DBF4: variants seen among roughly 807,000 people sequenced by gnomAD.
The protein encoded by DBF4 is protein DBF4 homolog A.
A neutral mutation model predicts 76.6 loss-of-function variants in DBF4; 25 were observed. The observed-to-expected ratio is 0.33, with a 90% CI of 0.24 to 0.46. The LOEUF (loss-of-function observed/expected upper bound fraction) is 0.46. Ranked by LOEUF, DBF4 falls within the 20% of genes least tolerant of loss-of-function variation. The pLI, the probability that DBF4 is intolerant of heterozygous loss-of-function variation, is 1.00. For synonymous variants in DBF4, 213 were observed against 258.0 expected, an observed-to-expected ratio of 0.83 and a Z score of 1.67; for missense variants, 638 against 760.8, an observed-to-expected ratio of 0.84 and a Z score of 1.90.
intron 11 of DBF4, among the ~76,000 whole-genome samples, chr7:87,905,965 CA>C (rs1839903140): frequency 6.6e-6 from 1 of 151,250 alleles, no homozygotes; most frequent in Non-Finnish European, 1.5e-5. Context: ...AGTTCCAGAC[CA>C]GCCTAGCCAA....
intron 2 of DBF4, among the ~76,000 whole-genome samples, chr7:87,879,347 C>T (rs1839154238): frequency 6.6e-6 from 1 of 152,146 alleles, no homozygotes; most frequent in Non-Finnish European, 1.5e-5. Context: ...AGTTATTCTA[C>T]TTTTTTACTA....
At chr7:87,881,945 T>C (rs1209245030) in intron 2 of DBF4, among the ~76,000 whole-genome samples, 2 of 152,236 alleles carry the variant, frequency 1.3e-5, no homozygotes, top group Non-Finnish European at 2.9e-5. Flanking sequence ...TATATGTCAA[T>C]GCAGTTTGTT....
At chr7:87,879,067 G>A (rs1274451166) in intron 2 of DBF4, among the ~76,000 whole-genome samples, 2 of 152,130 alleles carry the variant, frequency 1.3e-5, no homozygotes, top group African/African-American at 2.4e-5. Flanking sequence ...CTCAGCCTCT[G>A]TCTCCTGAGT....
At chr7:87,887,433 G>T (rs898164260) in intron 5 of DBF4, 35 bp downstream of exon 5, 1 of 1,526,534 alleles carries the variant, frequency 6.6e-7, no homozygotes, top group Non-Finnish European at 8.8e-7. Context: ...GACAGTATTT[G>T]TTTTAAGTGT....
At chr7:87,882,725 C>T (rs1839247531) in intron 2 of DBF4, among the ~76,000 whole-genome samples, 1 of 152,104 alleles carries the variant, frequency 6.6e-6, no homozygotes, top group Non-Finnish European at 1.5e-5. Context: ...AAATGTTCAA[C>T]GTCACTAATC....
Position 87,889,477 on chromosome 7 carries a change from G to A in DBF4, c.597+1418G>A, listed in dbSNP as rs895978740. ...GTATTTTTTGTAGAGACGGGGTTTC[G>A]CCATGTTGCCCAGGCTGGTCTCGAA... On this transcript the variant is annotated intron_variant, in intron 6 of 11. Transcript: ENST00000265728. Among the ~76,000 whole-genome samples the A allele has an allele frequency of 4.6e-5, 7 of 151,482 alleles. 1 individual carries two copies. The highest frequency in any genetic ancestry group is 7.3e-5 in the African/African-American group (3 of 41,212).
rs1839125496 is a variant in DBF4 at position 87,878,446 on chromosome 7, T to TA, written c.219+222dup. Reference sequence around the variant, plus strand: ...GATTAGCAGTCTAGTGTAAAGTTCTTAGAGTGTAAGACTCCCCTGTCCTAG... The same window carrying TA: ...GATTAGCAGTCTAGTGTAAAGTTCTTAAGAGTGTAAGACTCCCCTGTCCTAG... On this transcript the variant is annotated intron_variant, in intron 2 of 11. Transcript: ENST00000265728. 1.6e-5 allele frequency: 7 copies of TA among 437,136 alleles called. No homozygotes were observed. In the East Asian group the frequency reaches 1.9e-4, roughly 12 times the overall value. 27.1% of individuals were successfully genotyped at this position (437,136 alleles called of 1,614,324 possible).
At chr7:87,881,715 G>T (rs953069866) in intron 2 of DBF4, among the ~76,000 whole-genome samples, 2 of 152,138 alleles carry the variant, frequency 1.3e-5, no homozygotes, top group African/African-American at 4.8e-5. Context: ...TAACCCTCTA[G>T]GTATTCTTTG....
chr7:87,886,698 A>G, intron 3 of DBF4, 146 bp from the exon 4 acceptor site: 2 of 575,078 alleles, frequency 3.5e-6, no homozygotes, highest in Non-Finnish European at 6.1e-6. Context: ...TGTTGAATAG[A>G]ATTTACTACA....
At chr7:87,892,893 C>T (rs1474690116) in intron 6 of DBF4, among the ~76,000 whole-genome samples, 3 of 152,104 alleles carry the variant, frequency 2.0e-5, no homozygotes, top group South Asian at 2.1e-4. Context: ...GGCCATATAA[C>T]GTGCTTTTTA....
intron 11 of DBF4, among the ~76,000 whole-genome samples, chr7:87,906,520 T>C (rs1431035353): frequency 6.6e-6 from 1 of 152,164 alleles, no homozygotes; most frequent in Non-Finnish European, 1.5e-5. Context: ...TCTAATTGTA[T>C]ATTATTTAGG....
intron 10 of DBF4, among the ~76,000 whole-genome samples, chr7:87,901,379 A>C (rs916735955): frequency 6.6e-6 from 1 of 152,212 alleles, no homozygotes; most frequent in Admixed American, 6.5e-5. Flanking sequence ...GATGGGACCA[A>C]GGAATAGATA....
intron 2 of DBF4, 142 bp from the exon 3 acceptor site, chr7:87,884,837 C>CA: frequency 1.7e-6 from 1 of 574,742 alleles, no homozygotes; most frequent in African/African-American, 1.9e-5. Flanking sequence ...TTCAGAAGGC[C>CA]AAGGCGGGAG....
At chr7:87,904,526 G>A in intron 11 of DBF4, 110 bp downstream of exon 11, 1 of 1,315,782 alleles carries the variant, frequency 7.6e-7, no homozygotes, top group Non-Finnish European at 1.0e-6. Flanking sequence ...GATCACTTGA[G>A]GTCAGGAGTT....
At chr7:87,884,029 T>C (rs1271629165) in intron 2 of DBF4, among the ~76,000 whole-genome samples, 4 of 152,176 alleles carry the variant, frequency 2.6e-5, no homozygotes, top group Non-Finnish European at 4.4e-5. Context: ...TTCAGATACT[T>C]AGGCGGTGGT....
In DBF4 at chr7:87,876,597, T is replaced by C. The variant is rs555494890; in HGVS notation, c.-136T>C. The C allele has an allele frequency of 2.1e-6, 2 of 974,538 alleles. No homozygotes were observed. The highest frequency in any genetic ancestry group is 2.6e-5 in the East Asian group (1 of 38,660). The allele number at this position is 974,538 out of a possible 1,614,324, so 60.4% of individuals were successfully genotyped here. On this transcript the variant is annotated 5_prime_UTR_variant, in exon 1 of 12. Coordinates refer to ENST00000265728, the MANE Select transcript of DBF4 (RefSeq NM_006716.4). ...AAACCCGACCTGCAGACGCGGTACC[T>C]CTACTGCGTAGAGGCCGTAGCTGGC...
Position 87,876,546 on chromosome 7 carries a change from C to A in DBF4, c.-187C>A, listed in dbSNP as rs954247190. 2.6e-5 allele frequency: 16 copies of A among 625,770 alleles called. No individual in the cohort carries two copies. The highest frequency in any genetic ancestry group is 2.4e-4 in the African/African-American group (13 of 54,460). The allele number at this position is 625,770 out of a possible 1,614,324, so 38.8% of individuals were successfully genotyped here. A position where few individuals can be genotyped will look rare whatever the true frequency, so the allele number is the denominator to read the frequency against. On this transcript the variant is annotated 5_prime_UTR_variant, in exon 1 of 12. Coordinates refer to ENST00000265728, the MANE Select transcript of DBF4 (RefSeq NM_006716.4). ...TTGTGCTTTGCGCCTTCCTCCTCCG[C>A]GCCTTGGAGCCGGATCCGGCCCCGG...
In DBF4 at chr7:87,907,606, G is replaced by A. The variant is rs1195939702; in HGVS notation, c.1468G>A (p.Val490Ile). ...DHYKCNIQAS[V>I]HVSDFSTDNS... Reference sequence around the variant, plus strand: ...CTATAAATGTAACATACAGGCATCTGTACATGTTTCTGATTTCAGTACAGA... The same window carrying A: ...CTATAAATGTAACATACAGGCATCTATACATGTTTCTGATTTCAGTACAGA... The change falls in exon 12 of 12, where the codon GTA becomes ATA. Residue 490 changes from valine to isoleucine, a missense_variant. Coordinates refer to ENST00000265728, the MANE Select transcript of DBF4 (RefSeq NM_006716.4). 3 of 1,614,072 alleles carry A rather than the reference G, an allele frequency of 1.9e-6. No individual in the cohort carries two copies. Among genetic ancestry groups the A allele is most frequent in the East Asian group, 2.2e-5 (1 of 44,864 alleles).
chr7:87,892,615 T>C (rs1392809697), intron 6 of DBF4, among the ~76,000 whole-genome samples: 2 of 152,240 alleles, frequency 1.3e-5, no homozygotes, highest in East Asian at 3.8e-4. Context: ...GTATGATTGC[T>C]GCTTCACATA....
Sources: allele counts gnomAD v4.1 joint callset (sites outside exome capture counted in the v4.1 genomes callset), GRCh38; gene constraint gnomAD v4.1.1; transcripts MANE v1.5; gene names NCBI Gene and HGNC (gene_info 2026-07-23, HGNC 2026-07-21).